Variants in PXDNL observed in about 807,000 individuals in gnomAD.
PXDNL encodes peroxidasin like.
Under a neutral mutation model 150.8 loss-of-function variants are expected in PXDNL, and 145 were observed. The ratio of observed to expected loss-of-function variants is 0.96; its 90% confidence interval spans 0.84 to 1.10. PXDNL has a LOEUF of 1.10. Ranked by LOEUF, PXDNL falls within the 50% of genes least tolerant of loss-of-function variation. PXDNL has a pLI of 0.00. For synonymous variants in PXDNL, 757 were observed against 725.7 expected (o/e 1.04, Z -0.69); for missense variants, 2,087 against 1,873.9 (o/e 1.11, Z -2.10).
intron 20 of PXDNL, among the ~76,000 whole-genome samples, chr8:51,343,771 C>T (rs1403703052): frequency 6.6e-6 from 1 of 152,126 alleles, no homozygotes; most frequent in Non-Finnish European, 1.5e-5. Context: ...ATATTTGAGT[C>T]CGGTACCCAC....
intron 21 of PXDNL, among the ~76,000 whole-genome samples, chr8:51,335,673 T>C (rs969252797): frequency 3.0e-5 from 4 of 134,566 alleles, no homozygotes; most frequent in African/African-American, 1.3e-4. Flanking sequence ...CATTGTTCAT[T>C]ATATACCCTA....
intron 8 of PXDNL, among the ~76,000 whole-genome samples, chr8:51,459,625 TA>T (rs1244895752): frequency 6.6e-6 from 1 of 152,204 alleles, no homozygotes; most frequent in East Asian, 1.9e-4. Flanking sequence ...GTTATGCTCA[TA>T]AAACTTGTTT....
At chr8:51,386,453 T>C (rs1182910106) in intron 17 of PXDNL, among the ~76,000 whole-genome samples, 1 of 151,932 alleles carries the variant, frequency 6.6e-6, no homozygotes, top group Non-Finnish European at 1.5e-5. Flanking sequence ...AGTAGTAAGA[T>C]AGATAGATGA....
chr8:51,627,159 A>G (rs903078046), intron 2 of PXDNL, among the ~76,000 whole-genome samples: 3 of 152,224 alleles, frequency 2.0e-5, no homozygotes, highest in Non-Finnish European at 4.4e-5. Context: ...AGCCAACTGT[A>G]CTTTTAGGAG....
chr8:51,574,705 A>G (rs375143462), intron 3 of PXDNL, among the ~76,000 whole-genome samples: 6 of 152,230 alleles, frequency 3.9e-5, no homozygotes, highest in African/African-American at 1.4e-4. Context: ...AATCATAGGT[A>G]TGACAGCAGA....
At chr8:51,454,309 G>C (rs560901657) in intron 9 of PXDNL, among the ~76,000 whole-genome samples, 2 of 152,294 alleles carry the variant, frequency 1.3e-5, no homozygotes, top group African/African-American at 4.8e-5. Flanking sequence ...AAAGCAGAAA[G>C]AAGAATATTA....
chr8:51,436,009 C>T, intron 12 of PXDNL: 2 of 528,554 alleles, frequency 3.8e-6, no homozygotes, highest in Admixed American at 2.0e-5. Context: ...AAATTCACCT[C>T]ATGGACCATC....
intron 1 of PXDNL, among the ~76,000 whole-genome samples, chr8:51,671,759 T>G (rs1468820986): frequency 6.6e-6 from 1 of 152,138 alleles, no homozygotes; most frequent in East Asian, 1.9e-4. Flanking sequence ...CAAATTGCCC[T>G]GAACCTCCAT....
At chr8:51,791,514 A>T (rs2037513206) in intron 1 of PXDNL, among the ~76,000 whole-genome samples, 1 of 152,232 alleles carries the variant, frequency 6.6e-6, no homozygotes, top group Non-Finnish European at 1.5e-5. Flanking sequence ...GATTGGGTTA[A>T]CCCAACGCAG....
intron 2 of PXDNL, among the ~76,000 whole-genome samples, chr8:51,640,177 A>T (rs202132297): frequency 6.7e-6 from 1 of 148,438 alleles, no homozygotes; most frequent in Admixed American, 6.8e-5. Context: ...AAACTCTCAA[A>T]AAATTAGGTA....
chr8:51,620,233 A>G (rs1444614240), intron 2 of PXDNL, among the ~76,000 whole-genome samples: 1 of 152,202 alleles, frequency 6.6e-6, no homozygotes, highest in Non-Finnish European at 1.5e-5. Flanking sequence ...GACCAGATAA[A>G]ATATATGGCC....
At chr8:51,374,209 C>T (rs577114626) in intron 18 of PXDNL, among the ~76,000 whole-genome samples, 1 of 152,308 alleles carries the variant, frequency 6.6e-6, no homozygotes, top group African/African-American at 2.4e-5. Context: ...AGGCTGCAGA[C>T]GTCCTATGGA....
At chr8:51,512,040 C>A (rs1385814006) in intron 4 of PXDNL, among the ~76,000 whole-genome samples, 1 of 152,072 alleles carries the variant, frequency 6.6e-6, no homozygotes, top group Non-Finnish European at 1.5e-5. Flanking sequence ...GCACTGTGGC[C>A]GTGAACAATG....
intron 1 of PXDNL, among the ~76,000 whole-genome samples, chr8:51,776,166 A>G (rs942249406): frequency 2.6e-5 from 4 of 152,182 alleles, no homozygotes; most frequent in South Asian, 2.1e-4. Context: ...GATGTTATCA[A>G]TGACAATGCG....
rs867503884 is a variant in PXDNL, at chr8:51,569,018, A to G, written c.309-12107T>C. ...TTCTTGCATGTTTTCCACTTTTCCCATTAGAGTCTTTGGCACATTAATATA... is the reference window on the plus strand; with the variant it reads ...TTCTTGCATGTTTTCCACTTTTCCCGTTAGAGTCTTTGGCACATTAATATA... On this transcript the variant is annotated intron_variant, in intron 3 of 22. Coordinates refer to ENST00000356297, the MANE Select transcript of PXDNL (RefSeq NM_144651.5). Among the ~76,000 whole-genome samples, 3 of 151,764 alleles carry G rather than the reference A, an allele frequency of 2.0e-5. No homozygotes were observed. The East Asian group carries it at 5.8e-4, about 30-fold the overall frequency.
chr8:51,493,373 C>T (rs192772470), intron 5 of PXDNL, among the ~76,000 whole-genome samples: 99 of 152,288 alleles, frequency 6.5e-4, no homozygotes, highest in Non-Finnish European at 9.7e-4. Context: ...AAAATCAGAG[C>T]GCCTCTCCTC....
At chr8:51,587,361 T>C (rs1813347322) in intron 3 of PXDNL, among the ~76,000 whole-genome samples, 1 of 152,200 alleles carries the variant, frequency 6.6e-6, no homozygotes, top group African/African-American at 2.4e-5. Context: ...TGAATCACTA[T>C]ATCCAAAGAT....
At chr8:51,687,772 T>G (rs977844150) in intron 1 of PXDNL, among the ~76,000 whole-genome samples, 27 of 152,302 alleles carry the variant, frequency 1.8e-4, no homozygotes, top group Admixed American at 9.1e-4. Context: ...AATGGAGCTG[T>G]CCTAGTGAAG....
chr8:51,699,248 C>A (rs1468670210), intron 1 of PXDNL, among the ~76,000 whole-genome samples: 4 of 152,292 alleles, frequency 2.6e-5, no homozygotes, highest in South Asian at 4.1e-4. Flanking sequence ...TCTGGAACCA[C>A]CTTCATCAAT....
Sources: gnomAD v4.1 joint callset for allele counts (sites outside exome capture counted in the v4.1 genomes callset) on GRCh38, gnomAD v4.1.1 for gene constraint, MANE v1.5 for transcripts, NCBI Gene and HGNC (gene_info 2026-07-23, HGNC 2026-07-21) for gene names.